Variants in TTC21A observed in about 807,000 individuals in gnomAD.
The protein encoded by TTC21A is tetratricopeptide repeat protein 21A.
TTC21A carries 128 observed loss-of-function variants against 156.4 expected under a neutral mutation model. The observed-to-expected ratio is 0.82, with a 90% CI of 0.71 to 0.95. The LOEUF is 0.95. TTC21A is among the 40% of genes least tolerant of loss of function. The pLI is 0.00. For missense variants in TTC21A, 1,435 were observed against 1,602.3 expected (o/e 0.90, Z 1.78); for synonymous variants, 587 against 617.1 (o/e 0.95, Z 0.72).
At chr3:39,132,652 A>G (rs1377872488) in intron 19 of TTC21A, 3 of 226,278 alleles carry the variant, frequency 1.3e-5, no homozygotes, top group African/African-American at 7.1e-5. Flanking sequence ...TGTGGTGAAT[A>G]TTTGTGGGTG....
Position 39,129,106 on chromosome 3 carries a change from A to T in TTC21A, c.1931A>T (p.Asn644Ile). ...EATKVMQDTI[N>I]EFGGTPEENR... The stretch of plus-strand genomic sequence containing the variant: ...ACCAAGGTCATGCAGGACACCATCA[A>T]TGAGTTCGGTGGCACACCAGAAGAG... The change falls in exon 15 of 29, where the codon AAT becomes ATT. Residue 644 changes from asparagine to isoleucine, a missense_variant. Physicochemically the swap from Asn to Ile is moderately radical, Grantham distance 149. Coordinates refer to ENST00000683103, the MANE Select transcript of TTC21A (RefSeq NM_001366900.1). 6.2e-7 allele frequency: 1 copy of T among 1,614,246 alleles called. No individual in the cohort carries two copies. Among genetic ancestry groups the T allele is most frequent in the African/African-American group, 1.3e-5 (1 of 75,078 alleles).
intron 3 of TTC21A, 116 bp from the exon 4 acceptor site, chr3:39,110,735 T>G (rs1293714128): frequency 7.5e-6 from 8 of 1,065,932 alleles, no homozygotes; most frequent in African/African-American, 1.6e-5. Flanking sequence ...TTGAAGGAGA[T>G]CCACAGTGTC....
Position 39,130,316 on chromosome 3 carries a change from CA to C in TTC21A, c.2278del (p.Arg760GlufsTer7). 1.2e-6 allele frequency: 2 copies of C among 1,613,796 alleles called. No homozygotes were observed. Among genetic ancestry groups the C allele is most frequent in the Non-Finnish European group, 1.7e-6 (2 of 1,179,866 alleles). ...QNPHDASLAS[R>X]IGHAYVKAHQ... ...ACCCACATGACGCCTCCCTGGCCAG[CA>C]GAATTGGGCACGCTTATGTGAAGGC... is the stretch of plus-strand genomic sequence containing the variant. On this transcript the variant is annotated frameshift_variant, in exon 17 of 29. Coordinates refer to ENST00000683103, the MANE Select transcript of TTC21A (RefSeq NM_001366900.1). LOFTEE classifies it high-confidence loss of function. The surrounding 1 kb of genome is among the most constrained non-coding windows in gnomAD (Gnocchi z 4.5).
At chr3:39,108,574 A>G (rs77075598) in intron 1 of TTC21A, among the ~76,000 whole-genome samples, 7,321 of 152,274 alleles carry the variant, frequency 0.048, 252 homozygotes, top group Non-Finnish European at 0.076. Flanking sequence ...GTCCAACCAC[A>G]TCTGCTCCCA....
In TTC21A at chr3:39,131,012, A is replaced by G. The variant is rs1300117601; in HGVS notation, c.2479A>G (p.Met827Val). 1.2e-6 allele frequency: 2 copies of G among 1,613,822 alleles called. No individual in the cohort carries two copies. Among genetic ancestry groups the G allele is most frequent in the East Asian group, 4.5e-5 (2 of 44,900 alleles). ...AACAGTCCAAGACATCCCATCCATG[A>G]TGAATGATGTTAAGTGCCTGCTTTT... ...HDIVQDIPSM[M>V]NDVKCLLLLA... is the part of the protein sequence containing the mutation. Residue 827 changes from methionine to valine, a missense_variant, in exon 19 of 29, where the codon ATG becomes GTG. By Grantham distance (21) the Met-to-Val change is conservative. Coordinates refer to ENST00000683103, the MANE Select transcript of TTC21A (RefSeq NM_001366900.1).
chr3:39,114,756 C>A lies in TTC21A; in HGVS notation c.716+14C>A. 6.2e-7 allele frequency: 1 copy of A among 1,614,018 alleles called. No homozygotes were observed. The highest frequency in any genetic ancestry group is 8.5e-7 in the Non-Finnish European group (1 of 1,179,938). On this transcript the variant is annotated intron_variant, in intron 6 of 28. Coordinates refer to ENST00000683103, the MANE Select transcript of TTC21A (RefSeq NM_001366900.1). ...AATGGGACACAGGTGAGCTACTGCA[C>A]AAATGGGCAGCCAAGGGTGGTAACA... is the stretch of plus-strand genomic sequence containing the variant.
In TTC21A at chr3:39,107,728, C is replaced by G; in HGVS notation, c.-110C>G. The G allele has an allele frequency of 6.6e-7, 1 of 1,504,846 alleles. No individual in the cohort carries two copies. The highest frequency in any genetic ancestry group is 9.2e-7 in the Non-Finnish European group (1 of 1,091,190). The allele number at this position is 1,504,846 out of a possible 1,614,324, so 93.2% of individuals were successfully genotyped here. ...CGGCTAGCAGCTCGGTTTCCAAGGA[C>G]TGTAACGCCTTCAACCGCCCGCCGC... is the stretch of plus-strand genomic sequence containing the variant. On this transcript the variant is annotated 5_prime_UTR_variant, in exon 1 of 29. Transcript: ENST00000683103.
Position 39,137,626 on chromosome 3 carries a change from G to A in TTC21A, c.3591G>A (p.Trp1197Ter). 6.2e-7 allele frequency: 1 copy of A among 1,614,236 alleles called. No individual in the cohort carries two copies. Among genetic ancestry groups the A allele is most frequent in the Non-Finnish European group, 8.5e-7 (1 of 1,180,042 alleles). ...LSEAEDLEKS[W>*]LLLADIYCQG... ...AGGCTGAGGACCTGGAGAAGAGCTG[G>A]CTCCTGCTGGCTGACATTTACTGCC... Residue 1197 changes from tryptophan (W) to a stop codon, truncating the protein, a stop_gained, in exon 26 of 29, where the codon TGG becomes TGA. Transcript: ENST00000683103. LOFTEE classifies it high-confidence loss of function.
chr3:39,121,002 G>T lies in TTC21A; in HGVS notation c.906G>T (p.Gly302=). ...KKIIVVSRLC[G]SHQVILGLVC... ...CACCTTCCTGTTTCTTGCAGTGTGG[G>T]AGTCACCAGGTGATTCTAGGGCTAG... Residue 302 remains glycine, a synonymous_variant, in exon 9 of 29, where the codon GGG becomes GGT. Transcript: ENST00000683103. 6.2e-7 allele frequency: 1 copy of T among 1,604,344 alleles called. No homozygotes were observed. Among genetic ancestry groups the T allele is most frequent in the Non-Finnish European group, 8.5e-7 (1 of 1,174,092 alleles).
chr3:39,110,747 G>A, intron 3 of TTC21A, 104 bp from the exon 4 acceptor site: 1 of 1,247,802 alleles, frequency 8.0e-7, no homozygotes, highest in South Asian at 1.3e-5. Context: ...CACAGTGTCT[G>A]GGGGAGACCC....
chr3:39,110,699 G>A, intron 3 of TTC21A, 152 bp from the exon 4 acceptor site: 1 of 770,094 alleles, frequency 1.3e-6, no homozygotes, highest in Non-Finnish European at 2.1e-6. Flanking sequence ...TCCAGGCCTT[G>A]GGCTGCATGC....
At chr3:39,113,670 G>A (rs2037020768) in intron 5 of TTC21A, among the ~76,000 whole-genome samples, 2 of 152,302 alleles carry the variant, frequency 1.3e-5, no homozygotes, top group South Asian at 4.1e-4. Context: ...TTTCACCCTA[G>A]GGCATATTGT....
In TTC21A at chr3:39,136,463, G is replaced by A. The variant is rs759995762; in HGVS notation, c.3051G>A (p.Val1017=). 2.2e-5 allele frequency: 35 copies of A among 1,614,152 alleles called. No homozygotes were observed. The Admixed American group carries it at 5.7e-4, about 26-fold the overall frequency. ...FELAKKVSSR[V]PLEPGFNYCR... is the part of the protein sequence containing the mutation. ...TGGCCAAGAAGGTGTCTAGCCGGGT[G>A]CCTTTGGAACCAGGGTTCAATTACT... is the stretch of plus-strand genomic sequence containing the variant. The change falls in exon 23 of 29, where the codon GTG becomes GTA. Residue 1017 remains valine (V), a synonymous_variant. Transcript: ENST00000683103.
chr3:39,138,758 G>A lies in TTC21A; in HGVS notation c.3912G>A (p.Leu1304=), dbSNP rs1203597918. The A allele has an allele frequency of 1.2e-6, 2 of 1,614,098 alleles. No homozygotes were observed. The highest frequency in any genetic ancestry group is 8.5e-7 in the Non-Finnish European group (1 of 1,179,984). ...ACCCCAAGATCAGGGAGGAAATTTT[G>A]GAAAAGGCCCGAAGGTCCCTGAGGC... ...PDYPKIREEI[L]EKARRSLRP is the part of the protein sequence containing the mutation. Residue 1304 remains leucine, a synonymous_variant, in exon 29 of 29, where the codon TTG becomes TTA. Coordinates refer to ENST00000683103, the MANE Select transcript of TTC21A (RefSeq NM_001366900.1).
chr3:39,131,730 C>G (rs1280747255), intron 19 of TTC21A: 1 of 152,232 alleles, frequency 6.6e-6, no homozygotes, highest in Non-Finnish European at 1.5e-5. Context: ...GGGTGCCGAG[C>G]ATGCTAACAT....
At chr3:39,138,424 G>C in intron 27 of TTC21A, 37 bp downstream of exon 27, 1 of 1,613,622 alleles carries the variant, frequency 6.2e-7, no homozygotes, top group Non-Finnish European at 8.5e-7. Flanking sequence ...GAATGGACGT[G>C]GGAGGGAGGT....
intron 1 of TTC21A, chr3:39,108,309 C>T: frequency 5.7e-6 from 1 of 175,774 alleles, no homozygotes; most frequent in Non-Finnish European, 1.2e-5. Flanking sequence ...TCTTCTAGCC[C>T]AGAACCAGCA....
In TTC21A at chr3:39,130,722, G is replaced by A. The variant is rs747683572; in HGVS notation, c.2341G>A (p.Ala781Thr). 1.2e-6 allele frequency: 2 copies of A among 1,614,202 alleles called. No individual in the cohort carries two copies. Among genetic ancestry groups the A allele is most frequent in the Non-Finnish European group, 1.7e-6 (2 of 1,180,034 alleles). ...TAAGGCAATTGAGTATTATGAGGCT[G>A]CCCAGAAGATTAATGGACAGGACTT... ...YTEAIEYYEA[A>T]QKINGQDFLC... is the part of the protein sequence containing the mutation. Residue 781 changes from alanine (A) to threonine (T), a missense_variant, in exon 18 of 29, where the codon GCC becomes ACC. Coordinates refer to ENST00000683103, the MANE Select transcript of TTC21A (RefSeq NM_001366900.1). The surrounding 1 kb of genome is among the most constrained non-coding windows in gnomAD (Gnocchi z 4.5).
At position 39,121,100 on chromosome 3, in the gene TTC21A, T is replaced by G; in HGVS notation, c.1004T>G (p.Leu335Arg). ...CATGTGGCCACAGAACTGGGCTATCTCTTCATCCTGAAGAACCAAGTGAAA... is the reference window on the plus strand; with the variant it reads ...CATGTGGCCACAGAACTGGGCTATCGCTTCATCCTGAAGAACCAAGTGAAA... Reference protein sequence around the residue: ...YVHVATELGYLFILKNQVKEA... With the variant: ...YVHVATELGYRFILKNQVKEA... Residue 335 changes from leucine to arginine, a missense_variant, in exon 9 of 29, where the codon CTC becomes CGC. By Grantham distance (102) the Leu-to-Arg change is moderately radical (BLOSUM62 -2). Transcript: ENST00000683103. 6.2e-7 allele frequency: 1 copy of G among 1,614,126 alleles called. No homozygotes were observed. Among genetic ancestry groups the G allele is most frequent in the Non-Finnish European group, 8.5e-7 (1 of 1,180,012 alleles).
Sources: allele counts gnomAD v4.1 joint callset (sites outside exome capture counted in the v4.1 genomes callset), GRCh38; gene constraint gnomAD v4.1.1; non-coding constraint Gnocchi (gnomAD v3.1); transcripts MANE v1.5; gene names NCBI Gene and HGNC (gene_info 2026-07-23, HGNC 2026-07-21).